Variants in PRKCH observed in about 807,000 individuals in gnomAD.
PRKCH encodes protein kinase C eta.
Under a neutral mutation model 82.5 loss-of-function variants are expected in PRKCH, and 28 were observed. The observed-to-expected ratio is 0.34, with a 90% confidence interval of 0.25 to 0.47. PRKCH has a LOEUF of 0.47. PRKCH is among the 20% of genes least tolerant of loss of function. The probability of loss-of-function intolerance (pLI) is 1.00; values close to 1 mark genes in which losing one functional copy is unlikely to be tolerated. For synonymous variants in PRKCH, 322 were observed against 327.4 expected, an observed-to-expected ratio of 0.98 and a Z score of 0.18; for missense variants, 705 against 881.8, an observed-to-expected ratio of 0.80 and a Z score of 2.54.
chr14:61,392,710 G>A (rs768573016), intron 2 of PRKCH, among the ~76,000 whole-genome samples: 1 of 152,064 alleles, frequency 6.6e-6, no homozygotes, highest in African/African-American at 2.4e-5. Context: ...TTTCTTAATG[G>A]TGTCTTTGAG....
At chr14:61,505,380 C>CTTTTA (rs1203930208) in intron 10 of PRKCH, among the ~76,000 whole-genome samples, 2 of 75,492 alleles carry the variant, frequency 2.6e-5, no homozygotes, top group Admixed American at 2.9e-4. Context: ...TTTGTCTTTT[C>CTTTTA]TTTTCTTTTC....
chr14:61,449,028 TG>T, intron 4 of PRKCH, 135 bp from the exon 5 acceptor site: 1 of 713,748 alleles, frequency 1.4e-6, no homozygotes, highest in Non-Finnish European at 2.4e-6. Flanking sequence ...ATAGGAAGGA[TG>T]GGCGCACCAG....
rs118028522 is a variant in PRKCH, at chr14:61,291,303, T to G, written c.-19+103635T>G. Among the ~76,000 whole-genome samples the G allele has an allele frequency of 6.7e-3, 1,009 of 150,458 alleles. 39 individuals are homozygous for G. In the East Asian group the frequency reaches 0.092, roughly 14 times the overall value. ...TTGTGATAATAGCTAAGATCAATTG[T>G]CTATTAATGCCCTCTGGTTCTTTTT... On this transcript the variant is annotated intron_variant, in intron 1 of 3. Transcript: ENST00000555185.
At chr14:61,345,485 T>C (rs1323691888) in intron 1 of PRKCH, among the ~76,000 whole-genome samples, 2 of 152,234 alleles carry the variant, frequency 1.3e-5, no homozygotes, top group Non-Finnish European at 2.9e-5. Flanking sequence ...CTGAAATAGC[T>C]GTGAACTGTG....
intron 1 of PRKCH, among the ~76,000 whole-genome samples, chr14:61,282,061 G>GA (rs1188433621): frequency 6.6e-6 from 1 of 151,718 alleles, no homozygotes; most frequent in Non-Finnish European, 1.5e-5. Flanking sequence ...ACCAAGAAAG[G>GA]AAAAAATGTG....
intron 4 of PRKCH, among the ~76,000 whole-genome samples, chr14:61,448,611 A>G (rs1186476000): frequency 2.0e-5 from 3 of 152,092 alleles, no homozygotes; most frequent in Non-Finnish European, 4.4e-5. Context: ...TGGAAGAGAC[A>G]TTTTCTGAGT....
chr14:61,234,808 G>A (rs1379162476), intron 1 of PRKCH, among the ~76,000 whole-genome samples: 6 of 152,254 alleles, frequency 3.9e-5, no homozygotes, highest in East Asian at 3.9e-4. Flanking sequence ...AGACCCATTC[G>A]TAGCCCCTCA....
chr14:61,402,611 A>G lies in PRKCH; in HGVS notation c.427+11323A>G, dbSNP rs577581495. 8.5e-4 allele frequency among the ~76,000 whole-genome samples: 130 copies of G among 152,176 alleles called. 1 individual carries two copies. Among genetic ancestry groups the G allele is most frequent in the African/African-American group, 3.1e-3 (129 of 41,534 alleles). ...GGAGATCAAGACCATCCTGGCCAACATGGTGAAACCCCGTCTCTACTAAAA... is the reference window on the plus strand; with the variant it reads ...GGAGATCAAGACCATCCTGGCCAACGTGGTGAAACCCCGTCTCTACTAAAA... On this transcript the variant is annotated intron_variant, in intron 2 of 13. Transcript: ENST00000332981.
chr14:61,221,012 C>A (rs1045086978), intron 1 of PRKCH, among the ~76,000 whole-genome samples: 2 of 151,982 alleles, frequency 1.3e-5, no homozygotes, highest in African/African-American at 2.4e-5. Flanking sequence ...GTTGGGCAGA[C>A]ATTTATAAAA....
At chr14:61,188,028 T>C (rs962592186) in intron 1 of PRKCH, among the ~76,000 whole-genome samples, 1 of 152,250 alleles carries the variant, frequency 6.6e-6, no homozygotes, top group African/African-American at 2.4e-5. Flanking sequence ...TAACTCGCTG[T>C]ATGACCTTGG....
chr14:61,281,977 A>G (rs1484401298), intron 1 of PRKCH: 2 of 150,112 alleles, frequency 1.3e-5, no homozygotes, highest in Non-Finnish European at 1.5e-5. Flanking sequence ...CTCTAAAAAT[A>G]AAATCATCCT....
At chr14:61,358,940 T>C (rs2046187204) in intron 1 of PRKCH, among the ~76,000 whole-genome samples, 1 of 152,144 alleles carries the variant, frequency 6.6e-6, no homozygotes, top group Non-Finnish European at 1.5e-5. Context: ...CAGGAAGCCT[T>C]CTCTGACCCT....
intron 10 of PRKCH, among the ~76,000 whole-genome samples, chr14:61,500,895 TCAAAGTTGGAA>T (rs1311753249): frequency 3.3e-5 from 5 of 152,098 alleles, no homozygotes; most frequent in Non-Finnish European, 7.4e-5. Context: ...ATGGTCCATC[TCAAAGTTGGAA>T]ATACCAGGAT....
chr14:61,547,934 C>G, intron 13 of PRKCH, 48 bp downstream of exon 13: 6 of 1,592,900 alleles, frequency 3.8e-6, no homozygotes, highest in Non-Finnish European at 5.1e-6. Context: ...TCAGATGTCA[C>G]AGCATTCCAC....
At chr14:61,281,282 C>T in intron 1 of PRKCH, 1 of 435,784 alleles carries the variant, frequency 2.3e-6, no homozygotes, top group Non-Finnish European at 3.9e-6. Context: ...GGTTTTTGCC[C>T]GGGCCCCTCC....
At chr14:61,529,005 T>TGTGTGTGTGTGTGTGTGTGTGCGC (rs1491304992) in intron 10 of PRKCH, 70 bp from the exon 11 acceptor site, 15 of 1,460,710 alleles carry the variant, frequency 1.0e-5, no homozygotes, top group Admixed American at 5.5e-5. Context: ...TGTGTGTGTG[T>TGTGTGTGTGTGTGTGTGTGTGCGC]GCCCATTCTG....
intron 1 of PRKCH, among the ~76,000 whole-genome samples, chr14:61,248,013 A>G (rs942198653): frequency 1.3e-5 from 2 of 152,320 alleles, no homozygotes; most frequent in Admixed American, 6.5e-5. Flanking sequence ...GTGTCATTTC[A>G]CAGTGGTGCA....
chr14:61,437,203 G>A (rs993195032), intron 2 of PRKCH, among the ~76,000 whole-genome samples: 2 of 152,046 alleles, frequency 1.3e-5, no homozygotes, highest in Admixed American at 6.6e-5. Flanking sequence ...TGTTTGTGTC[G>A]TTACTGTCTC....
chr14:61,265,198 C>A (rs2140082438), intron 1 of PRKCH, among the ~76,000 whole-genome samples: 1 of 152,262 alleles, frequency 6.6e-6, no homozygotes, highest in African/African-American at 2.4e-5. Context: ...GAAACCATCC[C>A]AGGCGGGTGC....
Sources: gnomAD v4.1 joint callset for allele counts (sites outside exome capture counted in the v4.1 genomes callset) on GRCh38, gnomAD v4.1.1 for gene constraint, MANE v1.5 for transcripts, NCBI Gene and HGNC (gene_info 2026-07-23, HGNC 2026-07-21) for gene names.